MVP: variants seen among roughly 807,000 people sequenced by gnomAD.
MVP encodes the protein major vault protein, also known as lung resistance-related protein.
Under a neutral mutation model 83.5 loss-of-function variants are expected in MVP, and 62 were observed. The ratio of observed to expected loss-of-function variants is 0.74; its 90% CI spans 0.61 to 0.92. The LOEUF (loss-of-function observed/expected upper bound fraction) is 0.92, where lower values mean the gene tolerates loss of function less well. MVP is among the 40% of genes least tolerant of loss of function. MVP has a pLI of 0.00. For synonymous variants in MVP, 505 were observed against 504.1 expected (o/e 1.00, Z -0.02); for missense variants, 1,000 against 1,203.4 (o/e 0.83, Z 2.50).
rs1243784323 is a variant in MVP, at chr16:29,845,960, T to C, written c.2119T>C (p.Leu707=). The C allele has an allele frequency of 1.9e-6, 3 of 1,614,136 alleles. No individual in the cohort carries two copies. The East Asian group carries it at 6.7e-5, about 36-fold the overall frequency. Residue 707 remains leucine (L), a synonymous_variant, in exon 12 of 15, where the codon TTG becomes CTG. Coordinates refer to ENST00000357402, the MANE Select transcript of MVP (RefSeq NM_005115.5). ...SEAEKARKEL[L]ELEALSMAVE... ...AGCCGAGAAAGCTCGCAAGGAACTT[T>C]TGGAGCTGGAGGCTCTGAGGTGGGT...
rs187062375 is a variant in MVP at position 29,830,426 on chromosome 16, G to A, written c.-35-89G>A. ...TGGCCTGGCTGGAGGAGGTAGGGCC[G>A]TATCCCACCCAGAGTCTGTCACCAG... On this transcript the variant is annotated intron_variant, in intron 1 of 14. Coordinates refer to ENST00000357402, the MANE Select transcript of MVP (RefSeq NM_005115.5). 359 of 1,158,802 alleles carry A rather than the reference G, an allele frequency of 3.1e-4. 1 individual carries two copies. The African/African-American group carries it at 4.6e-3, about 15-fold the overall frequency. 71.8% of individuals were successfully genotyped at this position (1,158,802 alleles called of 1,614,324 possible).
At chr16:29,835,671 G>T (rs1443589263) in intron 5 of MVP, 33 bp from the exon 6 acceptor site, 13 of 1,585,950 alleles carry the variant, frequency 8.2e-6, no homozygotes, top group Admixed American at 5.1e-5. Context: ...AGGCTGGGGG[G>T]CCCTTGTCCC....
intron 10 of MVP, among the ~76,000 whole-genome samples, chr16:29,842,934 G>A (rs1335050207): frequency 2.6e-5 from 4 of 152,236 alleles, no homozygotes; most frequent in African/African-American, 9.6e-5. Context: ...CAGCTGGCGG[G>A]AGTGGGCAGT....
At chr16:29,827,025 G>T (rs1034744467) in intron 1 of MVP, among the ~76,000 whole-genome samples, 8 of 152,152 alleles carry the variant, frequency 5.3e-5, no homozygotes, top group Admixed American at 2.6e-4. Context: ...GGAGCAACTG[G>T]GGGGTGGAAT....
rs1212570077 is a variant in MVP at position 29,846,283 on chromosome 16, C to T, written c.2264C>T (p.Thr755Met). ...KLKAQALAIE[T>M]EAELQRVQKV... Reference sequence around the variant, plus strand: ...AAAGCACAGGCCTTGGCCATTGAAACGGTGAGTGGGGGGAGGCATTAAGAA... The same window carrying T: ...AAAGCACAGGCCTTGGCCATTGAAATGGTGAGTGGGGGGAGGCATTAAGAA... Residue 755 changes from threonine (T) to methionine (M), a missense_variant and splice_region_variant, in exon 13 of 15, where the codon ACG (threonine) becomes ATG (methionine). By Grantham distance (81) the Thr-to-Met change is moderately conservative (BLOSUM62 -1). Transcript: ENST00000357402. The T allele has an allele frequency of 1.5e-5, 23 of 1,559,486 alleles. No homozygotes were observed. In the Admixed American group the frequency reaches 2.3e-4, roughly 16 times the overall value.
Position 29,831,671 on chromosome 16 carries a change from C to T in MVP, c.321+598C>T, listed in dbSNP as rs1487560852. ...TCCAGAGCCTACCAGAAGTGCCCAG[C>T]CAGTCTGGCATTAAATGACATGTGC... is the stretch of plus-strand genomic sequence containing the variant. On this transcript the variant is annotated intron_variant, in intron 3 of 14. Coordinates refer to ENST00000357402, the MANE Select transcript of MVP (RefSeq NM_005115.5). 1.8e-5 allele frequency: 8 copies of T among 456,142 alleles called. 1 individual carries two copies. Among genetic ancestry groups the T allele is most frequent in the East Asian group, 6.9e-5 (1 of 14,396 alleles). The allele number at this position is 456,142 out of a possible 1,614,324, so 28.3% of individuals were successfully genotyped here.
In MVP at chr16:29,830,579, C is replaced by T. The variant is rs150008391; in HGVS notation, c.30C>T (p.Ile10=). Residue 10 remains isoleucine (I), a synonymous_variant, in exon 2 of 15, where the codon ATC becomes ATT. Transcript: ENST00000357402. The part of the protein sequence containing the change: MATEEFIIR[I]PPYHYIHVLD... ...CAACTGAAGAGTTCATCATCCGCAT[C>T]CCCCCATACCACTATATCCATGTGC... The T allele has an allele frequency of 6.4e-5, 104 of 1,613,860 alleles. No homozygotes were observed. In the Middle Eastern group the frequency reaches 6.6e-4, roughly 10 times the overall value.
chr16:29,836,808 G>C lies in MVP; in HGVS notation c.759G>C (p.Val253=). Residue 253 remains valine (V), a synonymous_variant, in exon 7 of 15, where the codon GTG becomes GTC. Coordinates refer to ENST00000357402, the MANE Select transcript of MVP (RefSeq NM_005115.5). The stretch of plus-strand genomic sequence containing the variant: ...CTGGGGAGGAGTGGCTGGTAACAGT[G>C]CAGGACACAGAGGCCCACGTGCCAG... ...RRTGEEWLVT[V]QDTEAHVPDV... The C allele has an allele frequency of 1.2e-6, 2 of 1,613,734 alleles. No homozygotes were observed. The highest frequency in any genetic ancestry group is 1.7e-6 in the Non-Finnish European group (2 of 1,179,934).
chr16:29,836,039 G>A (rs1046701426), intron 6 of MVP, among the ~76,000 whole-genome samples: 11 of 152,148 alleles, frequency 7.2e-5, no homozygotes, highest in African/African-American at 2.7e-4. Context: ...GCTGAGGCAG[G>A]AGGATCACTT....
At chr16:29,826,604 A>T (rs978813258) in intron 1 of MVP, among the ~76,000 whole-genome samples, 1 of 145,794 alleles carries the variant, frequency 6.9e-6, no homozygotes, top group Admixed American at 6.8e-5. Flanking sequence ...CCTGGGCAAC[A>T]AAGTAAGACC....
rs2067463967 is a variant in MVP at position 29,833,856 on chromosome 16, G to A, written c.445G>A (p.Gly149Ser). The change falls in exon 4 of 15, where the codon GGC becomes AGC. Residue 149 changes from glycine (G) to serine (S), a missense_variant and splice_region_variant. Physicochemically the swap from Gly to Ser is moderately conservative, Grantham distance 56. Coordinates refer to ENST00000357402, the MANE Select transcript of MVP (RefSeq NM_005115.5). ...AGATGAGTGGCTTTTCGAGGGACCTGGTAAGTTCTGTCTCCATAGGGCTCC... is the reference window on the plus strand; with the variant it reads ...AGATGAGTGGCTTTTCGAGGGACCTAGTAAGTTCTGTCTCCATAGGGCTCC... ...AGDEWLFEGP[G>S]TYIPRKEVEV... The A allele has an allele frequency of 6.2e-7, 1 of 1,614,068 alleles. No individual in the cohort carries two copies. Among genetic ancestry groups the A allele is most frequent in the Non-Finnish European group, 8.5e-7 (1 of 1,179,998 alleles).
At position 29,844,726 on chromosome 16, in the gene MVP, G is replaced by T; in HGVS notation, c.1868G>T (p.Arg623Leu). ...GATGGCATGGCCCTGCCCAGGCCCC[G>T]GGACCAGGCTGTCTTCCCCCAAAAC... Reference protein sequence around the residue: ...GPDGMALPRPRDQAVFPQNGL... With the variant: ...GPDGMALPRPLDQAVFPQNGL... The change falls in exon 11 of 15, where the codon CGG (arginine) becomes CTG (leucine). Residue 623 changes from arginine to leucine, a missense_variant. Physicochemically the swap from Arg to Leu is moderately radical, Grantham distance 102. Coordinates refer to ENST00000357402, the MANE Select transcript of MVP (RefSeq NM_005115.5). 1 of 1,613,434 alleles carries T rather than the reference G, an allele frequency of 6.2e-7. No homozygotes were observed. The highest frequency in any genetic ancestry group is 8.5e-7 in the Non-Finnish European group (1 of 1,180,002).
intron 1 of MVP, among the ~76,000 whole-genome samples, chr16:29,829,213 G>A (rs1164523052): frequency 2.0e-5 from 3 of 151,560 alleles, no homozygotes; most frequent in African/African-American, 7.3e-5. Context: ...TCGGCCAGGT[G>A]TGATGGCTCG....
chr16:29,847,819 C>G lies in MVP; in HGVS notation c.2512C>G (p.Pro838Ala). The change falls in exon 15 of 15, where the codon CCC (proline) becomes GCC (alanine). Residue 838 changes from proline to alanine, a missense_variant. Coordinates refer to ENST00000357402, the MANE Select transcript of MVP (RefSeq NM_005115.5). ...KSTLITDGST[P>A]INLFNTAFGL... ...AACCCTCATCACCGATGGCTCCACT[C>G]CCATCAACCTCTTCAACACAGCCTT... 1 of 1,614,232 alleles carries G rather than the reference C, an allele frequency of 6.2e-7. No individual in the cohort carries two copies. The highest frequency in any genetic ancestry group is 8.5e-7 in the Non-Finnish European group (1 of 1,180,036).
intron 3 of MVP, 115 bp from the exon 4 acceptor site, chr16:29,833,616 CCA>C (rs2150754033): frequency 7.1e-7 from 1 of 1,418,358 alleles, no homozygotes; most frequent in South Asian, 1.3e-5. Flanking sequence ...GGCCTCCACC[CCA>C]GTCTTATTTC....
chr16:29,840,349 G>A lies in MVP; in HGVS notation c.1081G>A (p.Gly361Arg), dbSNP rs375471620. ...HQAGDHWLIR[G>R]PLEYVPSAKV... The stretch of plus-strand genomic sequence containing the variant: ...GGCTGGGGACCACTGGCTCATCCGC[G>A]GACCCCTGGAGTATGTGCCATCTGC... Residue 361 changes from glycine to arginine, a missense_variant, in exon 8 of 15, where the codon GGA becomes AGA. Coordinates refer to ENST00000357402, the MANE Select transcript of MVP (RefSeq NM_005115.5). 11 of 1,607,906 alleles carry A rather than the reference G, an allele frequency of 6.8e-6. No homozygotes were observed. Among genetic ancestry groups the A allele is most frequent in the Non-Finnish European group, 9.3e-6 (11 of 1,177,664 alleles).
At chr16:29,826,116 A>G (rs1373034663) in intron 1 of MVP, 1 of 152,246 alleles carries the variant, frequency 6.6e-6, no homozygotes, top group African/African-American at 2.4e-5. Context: ...AGCACTGGTT[A>G]TATTCCCTAG....
chr16:29,847,163 A>C (rs2150762466), intron 13 of MVP, 34 bp from the exon 14 acceptor site: 1 of 1,605,394 alleles, frequency 6.2e-7, no homozygotes, highest in East Asian at 2.2e-5. Context: ...GCCTGGGTCA[A>C]AAAATAAAGA....
At chr16:29,842,165 G>A in intron 10 of MVP, 53 bp downstream of exon 10, 2 of 1,529,698 alleles carry the variant, frequency 1.3e-6, no homozygotes, top group Non-Finnish European at 1.8e-6. Flanking sequence ...CAGCACTTTG[G>A]GAGGCTGAGG....
Sources: allele counts gnomAD v4.1 joint callset (sites outside exome capture counted in the v4.1 genomes callset), GRCh38; gene constraint gnomAD v4.1.1; transcripts MANE v1.5; gene names NCBI Gene and HGNC (gene_info 2026-07-23, HGNC 2026-07-21).